The following DISC1 variants were observed in gnomAD, a reference collection of about 807,000 sequenced individuals.
The protein encoded by DISC1 is DISC1 scaffold protein, also known as disrupted in schizophrenia 1 protein.
Under a neutral mutation model 84.5 loss-of-function variants are expected in DISC1, and 57 were observed. That is an observed-to-expected ratio of 0.67 (90% CI 0.55 to 0.84). The LOEUF is 0.84. Among genes scored for constraint, DISC1 ranks in the 40% least tolerant of loss-of-function variants. The pLI, the probability that DISC1 is intolerant of heterozygous loss-of-function variation, is 0.00. For synonymous variants in DISC1, 411 were observed against 415.2 expected, an observed-to-expected ratio of 0.99 and a Z score of 0.12; for missense variants, 1,000 against 1,057.8, an observed-to-expected ratio of 0.95 and a Z score of 0.76.
chr1:232,009,025 C>G lies in DISC1; in HGVS notation c.2283C>G (p.His761Gln). The G allele has an allele frequency of 6.2e-7, 1 of 1,613,870 alleles. No homozygotes were observed. Among genetic ancestry groups the G allele is most frequent in the Non-Finnish European group, 8.5e-7 (1 of 1,179,834 alleles). The change falls in exon 11 of 13, where the codon CAC (histidine) becomes CAG (glutamine). Residue 761 changes from histidine (H) to glutamine (Q), a missense_variant. His to Gln is a conservative substitution (Grantham distance 24). Around this residue, in one of 3 missense-constraint regions of DISC1, gnomAD observed 397 missense variants for 377.5 expected, o/e 1.05. Coordinates refer to ENST00000439617, the MANE Select transcript of DISC1 (RefSeq NM_018662.3). The surrounding 1 kb of genome is among the most constrained non-coding windows in gnomAD (Gnocchi z 4.6). ...EWKTHLIPSLHCAGGEQKEES... is the reference protein window; with the variant it reads ...EWKTHLIPSLQCAGGEQKEES... ...AGACTCACCTCATCCCCTCTCTGCA[C>G]TGTGCTGGAGGTGAACAGAAAGAGG...
At chr1:231,702,183 T>G (rs2066509647) in intron 3 of DISC1, 159 bp downstream of exon 3, 1 of 1,394,120 alleles carries the variant, frequency 7.2e-7, no homozygotes, top group South Asian at 1.6e-5. Flanking sequence ...CATTATTGTT[T>G]TGTAGATTTC....
chr1:231,706,262 T>C (rs2067077472), intron 3 of DISC1, among the ~76,000 whole-genome samples: 1 of 152,218 alleles, frequency 6.6e-6, no homozygotes, highest in South Asian at 2.1e-4. Context: ...TATCCCGTGC[T>C]TATGGTCAGG....
intron 11 of DISC1, among the ~76,000 whole-genome samples, chr1:232,013,788 TG>T (rs1485319718): frequency 6.6e-6 from 1 of 152,132 alleles, no homozygotes; most frequent in African/African-American, 2.4e-5. Flanking sequence ...CTCCTCTAAA[TG>T]GAGGGCCTTC....
At chr1:231,932,279 A>G (rs1158656163) in intron 9 of DISC1, among the ~76,000 whole-genome samples, 1 of 152,212 alleles carries the variant, frequency 6.6e-6, no homozygotes, top group Non-Finnish European at 1.5e-5. Context: ...GGGAAATGCC[A>G]TTATTTAAAA....
At chr1:231,724,399 C>T (rs2070325016) in intron 3 of DISC1, among the ~76,000 whole-genome samples, 1 of 152,090 alleles carries the variant, frequency 6.6e-6, no homozygotes, top group African/African-American at 2.4e-5. Context: ...GTTCTAGAAC[C>T]CTGCAAACAC....
intron 11 of DISC1, among the ~76,000 whole-genome samples, chr1:232,016,085 G>C (rs777178894): frequency 1.3e-5 from 2 of 152,062 alleles, no homozygotes; most frequent in Admixed American, 6.5e-5. Flanking sequence ...GAGACTTTAG[G>C]GTGGGAAGCA....
chr1:231,653,587 G>A (rs2060817458), intron 1 of DISC1, among the ~76,000 whole-genome samples: 1 of 152,188 alleles, frequency 6.6e-6, no homozygotes, highest in Non-Finnish European at 1.5e-5. Flanking sequence ...GTGTGTGGGA[G>A]GAAAGGAAAT....
At chr1:231,785,404 C>T (rs972478143) in intron 6 of DISC1, among the ~76,000 whole-genome samples, 16 of 151,848 alleles carry the variant, frequency 1.1e-4, no homozygotes, top group African/African-American at 2.9e-4. Context: ...CTCAGCCTCT[C>T]GAGTAGCTGG....
At chr1:231,641,255 T>C (rs2059635609) in intron 1 of DISC1, among the ~76,000 whole-genome samples, 1 of 152,220 alleles carries the variant, frequency 6.6e-6, no homozygotes, top group African/African-American at 2.4e-5. Context: ...GTTACAGTTC[T>C]TAAAGGCGGC....
intron 9 of DISC1, among the ~76,000 whole-genome samples, chr1:231,917,355 T>C (rs1319015803): frequency 2.0e-5 from 3 of 152,214 alleles, no homozygotes; most frequent in Non-Finnish European, 4.4e-5. Flanking sequence ...TATCTTACTT[T>C]CCATAAAGAG....
intron 10 of DISC1, among the ~76,000 whole-genome samples, chr1:231,994,582 G>C (rs1665649439): frequency 6.6e-6 from 1 of 152,170 alleles, no homozygotes; most frequent in Admixed American, 6.5e-5. Context: ...ACCTCATGAG[G>C]TTGTCTTGAA....
intron 9 of DISC1, among the ~76,000 whole-genome samples, chr1:231,941,560 C>T (rs1462831289): frequency 6.6e-6 from 1 of 151,916 alleles, no homozygotes; most frequent in South Asian, 2.1e-4. Context: ...GCAACCTCTG[C>T]CTCCTGGGTT....
At chr1:231,868,956 A>T (rs1352974931) in intron 9 of DISC1, among the ~76,000 whole-genome samples, 1 of 150,896 alleles carries the variant, frequency 6.6e-6, no homozygotes, top group Admixed American at 6.6e-5. Context: ...AAATGCAATC[A>T]TGGGGTAATA....
Position 231,765,242 on chromosome 1 carries a change from T to C in DISC1, c.1269-1898T>C, listed in dbSNP as rs183777367. Among the ~76,000 whole-genome samples, 44 of 149,026 alleles carry C rather than the reference T, an allele frequency of 3.0e-4. No individual in the cohort carries two copies. In the East Asian group the frequency reaches 8.3e-3, roughly 28 times the overall value. On this transcript the variant is annotated intron_variant, in intron 4 of 12. Transcript: ENST00000439617. ...AAACTTTGGATAATAATCATTTTCC[T>C]TAACACTTCATTTATTTCTGAGGTG...
chr1:231,815,730 C>T (rs1046208673), intron 8 of DISC1, among the ~76,000 whole-genome samples: 2 of 126,306 alleles, frequency 1.6e-5, no homozygotes, highest in Non-Finnish European at 3.3e-5. Context: ...AAGAACAAAA[C>T]TCTGTCTCAA....
intron 1 of DISC1, among the ~76,000 whole-genome samples, chr1:231,672,290 T>C (rs913213957): frequency 4.6e-5 from 7 of 152,224 alleles, no homozygotes; most frequent in Non-Finnish European, 1.0e-4. Flanking sequence ...TTGACCTCAG[T>C]TGGGGACATG....
At chr1:232,007,132 G>T (rs1382708127) in intron 10 of DISC1, among the ~76,000 whole-genome samples, 1 of 152,226 alleles carries the variant, frequency 6.6e-6, no homozygotes, top group Non-Finnish European at 1.5e-5. Flanking sequence ...TGCTGCAGGG[G>T]TGGAGCACTC....
At chr1:231,839,115 C>T (rs1207954988) in intron 9 of DISC1, among the ~76,000 whole-genome samples, 2 of 152,136 alleles carry the variant, frequency 1.3e-5, no homozygotes, top group Non-Finnish European at 2.9e-5. Context: ...GGAGGCAGGG[C>T]ATGCACCGTG....
intron 3 of DISC1, chr1:231,721,023 A>G: frequency 7.7e-7 from 1 of 1,290,984 alleles, no homozygotes; most frequent in Non-Finnish European, 1.0e-6. Context: ...TTGACAATGG[A>G]AAATGGGCAT....
Sources: gnomAD v4.1 joint callset for allele counts (sites outside exome capture counted in the v4.1 genomes callset) on GRCh38, gnomAD v4.1.1 for gene constraint, gnomAD v4.1.1 regional missense constraint, Gnocchi (gnomAD v3.1) non-coding constraint, MANE v1.5 for transcripts, NCBI Gene and HGNC (gene_info 2026-07-23, HGNC 2026-07-21) for gene names.